Variants in PKNOX2 observed in about 807,000 individuals in gnomAD.
PKNOX2 encodes the protein homeobox protein PKNOX2.
In PKNOX2, 14 loss-of-function variants were observed where a neutral mutation model predicts 53.1. That is an observed-to-expected ratio of 0.26 (90% CI 0.17 to 0.41). PKNOX2 has a LOEUF of 0.41. Among genes scored for constraint, PKNOX2 ranks in the 10% least tolerant of loss-of-function variants. The probability of loss-of-function intolerance (pLI) is 1.00; values close to 1 mark genes in which losing one functional copy is unlikely to be tolerated. For missense variants in PKNOX2, 496 were observed against 602.8 expected, an observed-to-expected ratio of 0.82 and a Z score of 1.85; for synonymous variants, 257 against 242.8, an observed-to-expected ratio of 1.06 and a Z score of -0.54.
At chr11:125,189,433 G>GTA (rs1956685434) in intron 1 of PKNOX2, among the ~76,000 whole-genome samples, 4 of 79,186 alleles carry the variant, frequency 5.1e-5, no homozygotes, top group African/African-American at 1.7e-4. Context: ...GTGTGTGTGT[G>GTA]TGTGTGTGTG....
intron 4 of PKNOX2, among the ~76,000 whole-genome samples, chr11:125,362,419 G>A (rs952899607): frequency 2.6e-5 from 4 of 151,946 alleles, no homozygotes; most frequent in African/African-American, 9.7e-5. Flanking sequence ...TATCTCCCAG[G>A]CTGGAGCACA....
chr11:125,346,403 G>A (rs1950971999), intron 3 of PKNOX2, among the ~76,000 whole-genome samples: 1 of 152,214 alleles, frequency 6.6e-6, no homozygotes, highest in South Asian at 2.1e-4. Flanking sequence ...CTTCCCGAAT[G>A]TTCTGGGGAA....
At chr11:125,259,340 A>G (rs1219582403) in intron 2 of PKNOX2, among the ~76,000 whole-genome samples, 1 of 152,238 alleles carries the variant, frequency 6.6e-6, no homozygotes, top group Non-Finnish European at 1.5e-5. Flanking sequence ...CAGGACATAC[A>G]TAAGGTAATC....
At position 125,312,971 on chromosome 11, in the gene PKNOX2, C is replaced by A. The variant is rs190776423; in HGVS notation, c.-129-18848C>A. On this transcript the variant is annotated intron_variant, in intron 2 of 12. Coordinates refer to ENST00000298282, the MANE Select transcript of PKNOX2 (RefSeq NM_001382323.2). ...ATAAGGAAGGCCTTCGCTCGCATGC[C>A]GTGTGAAAGGCAGGGGGGAGGCTGC... 3.8e-3 allele frequency among the ~76,000 whole-genome samples: 575 copies of A among 152,188 alleles called. 1 individual carries two copies. The highest frequency in any genetic ancestry group is 0.023 in the South Asian group (109 of 4,800).
At chr11:125,227,335 C>T (rs1565473935) in intron 1 of PKNOX2, among the ~76,000 whole-genome samples, 2 of 152,182 alleles carry the variant, frequency 1.3e-5, no homozygotes, top group Non-Finnish European at 2.9e-5. Context: ...TTTCCTCTTG[C>T]AAAACTGAAA....
chr11:125,411,006 C>A, intron 9 of PKNOX2, 130 bp downstream of exon 9: 1 of 735,218 alleles, frequency 1.4e-6, no homozygotes, highest in Non-Finnish European at 2.3e-6. Flanking sequence ...GTATCATTAC[C>A]CCTACTTTAC....
Position 125,179,468 on chromosome 11 carries a change from C to T in PKNOX2, c.-201+14692C>T, listed in dbSNP as rs118078827. Among the ~76,000 whole-genome samples the T allele has an allele frequency of 2.1e-3, 319 of 152,038 alleles. 1 individual carries two copies. Among genetic ancestry groups the T allele is most frequent in the Non-Finnish European group, 3.3e-3 (222 of 67,996 alleles). On this transcript the variant is annotated intron_variant, in intron 1 of 12. Coordinates refer to ENST00000298282, the MANE Select transcript of PKNOX2 (RefSeq NM_001382323.2). ...GAGACACGGCAAAACTGAGAAAAGACGGGAGAAAAATCGCGTCCCAGGCAG... is the reference window on the plus strand; with the variant it reads ...GAGACACGGCAAAACTGAGAAAAGATGGGAGAAAAATCGCGTCCCAGGCAG...
intron 2 of PKNOX2, among the ~76,000 whole-genome samples, chr11:125,288,394 C>T (rs1412076450): frequency 2.0e-5 from 3 of 152,174 alleles, no homozygotes; most frequent in Non-Finnish European, 2.9e-5. Flanking sequence ...ATGTGCTGCC[C>T]AGGTTGAGAA....
At chr11:125,342,462 G>A (rs1301708279) in intron 3 of PKNOX2, among the ~76,000 whole-genome samples, 1 of 152,120 alleles carries the variant, frequency 6.6e-6, no homozygotes, top group Non-Finnish European at 1.5e-5. Flanking sequence ...GGGCCCTCCT[G>A]ACTGCCTCAG....
chr11:125,314,433 A>T (rs554805480), intron 2 of PKNOX2, among the ~76,000 whole-genome samples: 1 of 152,028 alleles, frequency 6.6e-6, no homozygotes, highest in African/African-American at 2.4e-5. Flanking sequence ...GGTGGGGAAG[A>T]CTCAGAGCTC....
chr11:125,239,674 A>G (rs1943000839), intron 2 of PKNOX2: 5 of 152,272 alleles, frequency 3.3e-5, no homozygotes, highest in Admixed American at 2.6e-4. Context: ...CGTAAAAACA[A>G]CAGACTCGAT....
intron 1 of PKNOX2, among the ~76,000 whole-genome samples, chr11:125,226,920 C>G (rs181502208): frequency 1.3e-5 from 2 of 151,996 alleles, no homozygotes; most frequent in Non-Finnish European, 2.9e-5. Flanking sequence ...GACTTCTCCC[C>G]GCTGGGGCTG....
chr11:125,416,341 C>T (rs1955885047), intron 10 of PKNOX2, among the ~76,000 whole-genome samples: 1 of 142,118 alleles, frequency 7.0e-6, no homozygotes. Context: ...AGTGGAATTA[C>T]AACTTTGACG....
At chr11:125,188,669 C>A (rs1022198910) in intron 1 of PKNOX2, among the ~76,000 whole-genome samples, 1 of 152,028 alleles carries the variant, frequency 6.6e-6, no homozygotes, top group Non-Finnish European at 1.5e-5. Flanking sequence ...GCTGTTAACT[C>A]GGTGGTAATC....
chr11:125,306,183 C>A (rs1275565813), intron 2 of PKNOX2, among the ~76,000 whole-genome samples: 1 of 141,926 alleles, frequency 7.0e-6, no homozygotes, highest in South Asian at 2.6e-4. Context: ...GCACTGAATA[C>A]CTGCCCGGCG....
At chr11:125,325,597 C>A (rs752353036) in intron 2 of PKNOX2, among the ~76,000 whole-genome samples, 1 of 152,160 alleles carries the variant, frequency 6.6e-6, no homozygotes, top group East Asian at 1.9e-4. Flanking sequence ...TCACTAATGA[C>A]AATAGTCATC....
rs61437536 is a variant in PKNOX2 at position 125,355,277 on chromosome 11, G to GA, written c.87+3901dup. Among the ~76,000 whole-genome samples, 989 of 109,150 alleles carry GA rather than the reference G, an allele frequency of 9.1e-3. 9 individuals are homozygous for GA. Among genetic ancestry groups the GA allele is most frequent in the African/African-American group, 0.028 (858 of 30,508 alleles). The allele number at this position is 109,150 out of a possible 152,430, so 71.6% of individuals were successfully genotyped here. A position where few individuals can be genotyped will look rare whatever the true frequency, so the allele number is the denominator to read the frequency against. On this transcript the variant is annotated intron_variant, in intron 4 of 12. Transcript: ENST00000298282. Reference sequence around the variant, plus strand: ...GTGAGACTCTATCTCAAAAAAAAAAGAAAAAAAAAAAAAAAAGAAAGAAAG... The same window carrying GA: ...GTGAGACTCTATCTCAAAAAAAAAAGAAAAAAAAAAAAAAAAAGAAAGAAAG...
chr11:125,187,339 A>G (rs1956516169), intron 1 of PKNOX2, among the ~76,000 whole-genome samples: 2 of 152,128 alleles, frequency 1.3e-5, no homozygotes, highest in South Asian at 2.1e-4. Context: ...CTTTCTATCC[A>G]TGAACATGGT....
intron 2 of PKNOX2, among the ~76,000 whole-genome samples, chr11:125,316,813 G>A (rs1266743837): frequency 1.3e-5 from 2 of 152,150 alleles, no homozygotes; most frequent in Non-Finnish European, 2.9e-5. Flanking sequence ...GCTGAAGGAT[G>A]GGGTGGCTGT....
Sources: gnomAD v4.1 joint callset for allele counts (sites outside exome capture counted in the v4.1 genomes callset) on GRCh38, gnomAD v4.1.1 for gene constraint, MANE v1.5 for transcripts, NCBI Gene and HGNC (gene_info 2026-07-23, HGNC 2026-07-21) for gene names.